TTC3: variants seen among roughly 807,000 people sequenced by gnomAD.
The protein encoded by TTC3 is tetratricopeptide repeat domain 3.
In TTC3, 180 loss-of-function variants were observed where a neutral mutation model predicts 249.6. That is an observed-to-expected ratio of 0.72 (90% confidence interval 0.64 to 0.82). TTC3 has a LOEUF of 0.82. Among genes scored for constraint, TTC3 ranks in the 40% least tolerant of loss-of-function variants. The pLI, the probability that TTC3 is intolerant of heterozygous loss-of-function variation, is 0.00. For missense variants in TTC3, 2,061 were observed against 2,398.4 expected (o/e 0.86, Z 2.94); for synonymous variants, 717 against 805.0 (o/e 0.89, Z 1.85).
At position 37,148,609 on chromosome 21, in the gene TTC3, A is replaced by T; in HGVS notation, c.2080A>T (p.Lys694Ter). The T allele has an allele frequency of 6.2e-7, 1 of 1,606,286 alleles. No individual in the cohort carries two copies. Among genetic ancestry groups the T allele is most frequent in the South Asian group, 1.1e-5 (1 of 89,362 alleles). Residue 694 changes from lysine to a stop codon, truncating the protein, a stop_gained, in exon 23 of 46, where the codon AAG becomes TAG. Transcript: ENST00000355666. LOFTEE classifies it high-confidence loss of function. ...AGAATTTCACATGAATTGCTGGAAG[A>T]AGTTAAAAACTACAACCTTTAATGA... is the stretch of plus-strand genomic sequence containing the variant.
intron 6 of TTC3, chr21:37,090,492 A>G (rs1342541021): frequency 8.1e-6 from 6 of 741,634 alleles, no homozygotes; most frequent in African/African-American, 7.7e-5. Context: ...ACCCATGTAC[A>G]TAGTGTAATT....
At chr21:37,198,683 A>T (rs1466708627) in intron 44 of TTC3, among the ~76,000 whole-genome samples, 2 of 152,260 alleles carry the variant, frequency 1.3e-5, no homozygotes, top group African/African-American at 4.8e-5. Context: ...ACAATAGAAA[A>T]TACAAATAAA....
intron 34 of TTC3, among the ~76,000 whole-genome samples, chr21:37,172,111 T>A (rs1266261331): frequency 6.6e-6 from 1 of 152,254 alleles, no homozygotes; most frequent in Non-Finnish European, 1.5e-5. Flanking sequence ...GCAAGAAATA[T>A]AACTGACAAT....
chr21:37,082,973 C>T, intron 1 of TTC3: 1 of 984,550 alleles, frequency 1.0e-6, no homozygotes, highest in Non-Finnish European at 1.2e-6. Context: ...AAGTAAATAG[C>T]AGTACAGATG....
At chr21:37,111,156 A>G (rs535809602) in intron 11 of TTC3, among the ~76,000 whole-genome samples, 2 of 152,334 alleles carry the variant, frequency 1.3e-5, no homozygotes, top group Non-Finnish European at 2.9e-5. Context: ...CTAACGAGCA[A>G]AATAACCAGC....
At chr21:37,145,796 G>T (rs1361931199) in intron 21 of TTC3, among the ~76,000 whole-genome samples, 1 of 152,158 alleles carries the variant, frequency 6.6e-6, no homozygotes, top group African/African-American at 2.4e-5. Flanking sequence ...AGACAGGGAA[G>T]TGCCAGGCTC....
chr21:37,176,049 C>T (rs140416644), intron 35 of TTC3, among the ~76,000 whole-genome samples: 57 of 152,130 alleles, frequency 3.7e-4, no homozygotes, highest in African/African-American at 1.2e-3. Flanking sequence ...GGGAAGGCAC[C>T]GTGCCTGGCC....
At chr21:37,172,235 T>C (rs2081865585) in intron 34 of TTC3, among the ~76,000 whole-genome samples, 1 of 152,232 alleles carries the variant, frequency 6.6e-6, no homozygotes, top group Admixed American at 6.5e-5. Flanking sequence ...AAAATATGTA[T>C]AATATGTGCA....
exon 42 of TTC3, chr21:37,195,701 T>C: frequency 6.2e-7 from 1 of 1,612,772 alleles, no homozygotes; most frequent in Non-Finnish European, 8.5e-7. Flanking sequence ...TCCCTGAGTC[T>C]TCAGGCGACG....
At chr21:37,083,062 A>T in intron 1 of TTC3, 1 of 985,448 alleles carries the variant, frequency 1.0e-6, no homozygotes, top group Non-Finnish European at 1.2e-6. Context: ...AACAATGTGA[A>T]AACTGCTGTC....
exon 46 of TTC3, chr21:37,202,342 CG>C (rs1569217389): frequency 6.6e-6 from 1 of 152,246 alleles, no homozygotes; most frequent in Non-Finnish European, 1.5e-5. Context: ...TCCCAGCCCC[CG>C]GTTGGAGCCT....
intron 42 of TTC3, among the ~76,000 whole-genome samples, chr21:37,196,996 CTT>C (rs1291450787): frequency 2.0e-5 from 3 of 152,214 alleles, no homozygotes; most frequent in African/African-American, 4.8e-5. Context: ...AGAGTTGCCT[CTT>C]GTCTCAGCTG....
At chr21:37,080,824 T>C (rs1568844300) in intron 1 of TTC3, among the ~76,000 whole-genome samples, 1 of 152,244 alleles carries the variant, frequency 6.6e-6, no homozygotes, top group East Asian at 1.9e-4. Flanking sequence ...TTTAGTGTCC[T>C]TACATTTTAA....
At chr21:37,131,950 C>T (rs1443787165) in intron 16 of TTC3, among the ~76,000 whole-genome samples, 1 of 152,154 alleles carries the variant, frequency 6.6e-6, no homozygotes, top group Non-Finnish European at 1.5e-5. Context: ...ATTAGATTTT[C>T]CCATCACATT....
intron 44 of TTC3, 113 bp from the exon 45 acceptor site, chr21:37,200,119 T>C: frequency 1.2e-6 from 1 of 844,680 alleles, no homozygotes; most frequent in South Asian, 2.1e-5. Context: ...TAATTGTGAA[T>C]AATTTGCCAC....
rs114902725 is a variant in TTC3 at position 37,193,511 on chromosome 21, A to G, written c.5217+1298A>G. 3.6e-3 allele frequency among the ~76,000 whole-genome samples: 554 copies of G among 152,292 alleles called. 3 individuals carry two copies. The highest frequency in any genetic ancestry group is 0.012 in the African/African-American group (488 of 41,548). ...GCACTTATCATTTATCGTTTTTCCAAGTTCTTGTAACAGATATGTATAGAG... is the reference window on the plus strand; with the variant it reads ...GCACTTATCATTTATCGTTTTTCCAGGTTCTTGTAACAGATATGTATAGAG... On this transcript the variant is annotated intron_variant, in intron 41 of 45. Coordinates refer to ENST00000355666, the Ensembl canonical transcript of TTC3.
chr21:37,131,271 CCT>C (rs1341318885), intron 16 of TTC3, among the ~76,000 whole-genome samples: 1 of 152,098 alleles, frequency 6.6e-6, no homozygotes, highest in African/African-American at 2.4e-5. Flanking sequence ...AGACTTTCAG[CCT>C]CATACCTGAC....
At chr21:37,152,178 C>A in intron 26 of TTC3, 149 bp downstream of exon 26, 10 of 991,704 alleles carry the variant, frequency 1.0e-5, no homozygotes, top group South Asian at 2.7e-5. Context: ...TTCTGTTACT[C>A]GAAGACAGAA....
chr21:37,073,296 TGGC>T (rs879750802), exon 1 of TTC3: 4,618 of 253,018 alleles, frequency 0.018, 180 homozygotes, highest in African/African-American at 0.098. Context: ...GGGCCGGAGG[TGGC>T]GGCGGCGGCG....
Sources: allele counts gnomAD v4.1 joint callset (sites outside exome capture counted in the v4.1 genomes callset), GRCh38; gene constraint gnomAD v4.1.1; transcripts MANE v1.5; gene names NCBI Gene and HGNC (gene_info 2026-07-23, HGNC 2026-07-21).